Variants in MROH9 observed in about 807,000 individuals in gnomAD.
MROH9 encodes maestro heat like repeat family member 9, also known as maestro heat-like repeat-containing protein family member 9.
A neutral mutation model predicts 98.2 loss-of-function variants in MROH9; 92 were observed. The ratio of observed to expected loss-of-function variants is 0.94; its 90% CI spans 0.79 to 1.11. The LOEUF is 1.11. MROH9 is among the 50% of genes most tolerant of loss of function. MROH9 has a pLI of 0.00. For missense variants in MROH9, 1,057 were observed against 1,014.8 expected, an observed-to-expected ratio of 1.04 and a Z score of -0.57; for synonymous variants, 397 against 368.9, an observed-to-expected ratio of 1.08 and a Z score of -0.87.
intron 3 of MROH9, among the ~76,000 whole-genome samples, chr1:170,952,277 G>A (rs1007636349): frequency 3.9e-5 from 6 of 152,056 alleles, no homozygotes; most frequent in African/African-American, 1.4e-4. Context: ...TATAAGTCAT[G>A]CTGCTATAAA....
In MROH9 at chr1:170,989,466, CAA is replaced by C. The variant is rs542060751; in HGVS notation, c.880-386_880-385del. Among the ~76,000 whole-genome samples the C allele has an allele frequency of 8.3e-3, 1,257 of 152,262 alleles. 17 individuals carry two copies. Among genetic ancestry groups the C allele is most frequent in the African/African-American group, 0.028 (1,172 of 41,548 alleles). ...GTGGATTCAAATCGTCTTTAACTTG[CAA>C]AAGTTTTCTTTGAAGTATACACTGT... On this transcript the variant is annotated intron_variant, in intron 10 of 21. Transcript: ENST00000367759.
At chr1:171,056,425 G>C (rs990129081) in intron 20 of MROH9, among the ~76,000 whole-genome samples, 3 of 152,152 alleles carry the variant, frequency 2.0e-5, no homozygotes, top group African/African-American at 7.2e-5. Context: ...TTCCTCACTG[G>C]GTGGGGCTTC....
chr1:171,019,067 G>A (rs1407719921), intron 17 of MROH9, among the ~76,000 whole-genome samples: 1 of 152,128 alleles, frequency 6.6e-6, no homozygotes, highest in Non-Finnish European at 1.5e-5. Flanking sequence ...ATAATTGGAG[G>A]TAAAACACTC....
chr1:170,983,962 T>C (rs1191995882), intron 9 of MROH9, among the ~76,000 whole-genome samples: 1 of 152,222 alleles, frequency 6.6e-6, no homozygotes, highest in African/African-American at 2.4e-5. Flanking sequence ...AAAAGCGCTA[T>C]TAAATGAAAA....
chr1:171,022,452 C>T (rs943999093), intron 17 of MROH9, among the ~76,000 whole-genome samples: 3 of 152,092 alleles, frequency 2.0e-5, no homozygotes, highest in African/African-American at 7.2e-5. Flanking sequence ...TTTGCAGGGA[C>T]ATGGATGAAG....
At chr1:171,056,351 C>G (rs897580762) in intron 20 of MROH9, among the ~76,000 whole-genome samples, 6 of 152,254 alleles carry the variant, frequency 3.9e-5, no homozygotes, top group African/African-American at 1.4e-4. Flanking sequence ...CCCCAACAGC[C>G]CAACATACCA....
intron 20 of MROH9, among the ~76,000 whole-genome samples, chr1:171,034,592 A>T (rs899110782): frequency 1.3e-5 from 2 of 152,212 alleles, no homozygotes; most frequent in Admixed American, 6.5e-5. Context: ...AGTGCTATTC[A>T]CAAATGCTTG....
Position 170,958,586 on chromosome 1 carries a change from T to TAG in MROH9, c.152+46_152+47insAG, listed in dbSNP as rs146088011. ...CTTTTATTTCACTAATTGGATGCATTTAAAATGTTATATCTTTAAAAACAT... is the reference window on the plus strand; with the variant it reads ...CTTTTATTTCACTAATTGGATGCATTAGTAAAATGTTATATCTTTAAAAACAT... On this transcript the variant is annotated intron_variant, in intron 4 of 21. Transcript: ENST00000367759. The TAG allele has an allele frequency of 8.1e-6, 10 of 1,231,950 alleles. No individual in the cohort carries two copies. The African/African-American group carries it at 1.6e-4, about 20-fold the overall frequency. The allele number at this position is 1,231,950 out of a possible 1,614,324, so 76.3% of individuals were successfully genotyped here. A position where few individuals can be genotyped will look rare whatever the true frequency, so the allele number is the denominator to read the frequency against.
chr1:170,955,476 C>G (rs568191571), intron 3 of MROH9, among the ~76,000 whole-genome samples: 281 of 152,214 alleles, frequency 1.8e-3, no homozygotes, highest in African/African-American at 6.4e-3. Context: ...TCCATGCCAA[C>G]ATCTAATGTT....
intron 4 of MROH9, 62 bp from the exon 5 acceptor site, chr1:170,959,400 C>G (rs866954106): frequency 7.8e-7 from 1 of 1,285,318 alleles, no homozygotes; most frequent in South Asian, 1.5e-5. Context: ...ATAAATAAAG[C>G]CCACTAAATT....
At chr1:171,056,807 G>A (rs1025029345) in intron 20 of MROH9, among the ~76,000 whole-genome samples, 7 of 152,150 alleles carry the variant, frequency 4.6e-5, no homozygotes, top group Non-Finnish European at 7.4e-5. Context: ...ATCTCCAGAC[G>A]CAGGAGTAAA....
chr1:170,992,185 G>C lies in MROH9; in HGVS notation c.1050G>C (p.Lys350Asn). The change falls in exon 12 of 22, where the codon AAG (lysine) becomes AAC (asparagine). Residue 350 changes from lysine (K) to asparagine (N), a missense_variant. Lys to Asn is a moderately conservative substitution (Grantham distance 94, BLOSUM62 0). Transcript: ENST00000367759. ...PADDTLIQMWKAACSQASVAP... is the reference protein window; with the variant it reads ...PADDTLIQMWNAACSQASVAP... The stretch of plus-strand genomic sequence containing the variant: ...GCAGCACTCTGATACAGATGTGGAA[G>C]GCGGCATGTTCTCAGGCGAGCGTGG... 1 of 1,611,798 alleles carries C rather than the reference G, an allele frequency of 6.2e-7. No homozygotes were observed. The highest frequency in any genetic ancestry group is 1.7e-4 in the Middle Eastern group (1 of 5,924).
At chr1:171,061,183 C>A (rs1653999166) in intron 20 of MROH9, among the ~76,000 whole-genome samples, 2 of 152,086 alleles carry the variant, frequency 1.3e-5, no homozygotes, top group Admixed American at 6.6e-5. Flanking sequence ...TATCACCAAA[C>A]CCATGAGGAT....
intron 17 of MROH9, among the ~76,000 whole-genome samples, chr1:171,020,274 A>G (rs1652474493): frequency 6.6e-6 from 1 of 152,226 alleles, no homozygotes; most frequent in African/African-American, 2.4e-5. Flanking sequence ...TGAGTCCAGC[A>G]TCATTCTGAT....
At chr1:170,949,111 G>A (rs1649450199) in intron 3 of MROH9, among the ~76,000 whole-genome samples, 1 of 152,054 alleles carries the variant, frequency 6.6e-6, no homozygotes, top group Admixed American at 6.6e-5. Context: ...CCCTCTTTGA[G>A]GCAAGGAGGT....
intron 1 of MROH9, among the ~76,000 whole-genome samples, chr1:170,940,538 C>T (rs528134328): frequency 1.4e-4 from 22 of 152,008 alleles, no homozygotes; most frequent in African/African-American, 2.4e-4. Flanking sequence ...GTACACCTTA[C>T]GGAAAGGGAT....
chr1:170,946,662 A>C (rs1571437269), intron 2 of MROH9, among the ~76,000 whole-genome samples: 1 of 152,154 alleles, frequency 6.6e-6, no homozygotes, highest in South Asian at 2.1e-4. Flanking sequence ...TGAAATAAAA[A>C]GTTATTTTTT....
chr1:170,946,638 C>G (rs1422058925), intron 2 of MROH9, among the ~76,000 whole-genome samples: 1 of 151,868 alleles, frequency 6.6e-6, no homozygotes, highest in Non-Finnish European at 1.5e-5. Flanking sequence ...GTCTTTGCAA[C>G]TTTCCTATAG....
chr1:171,046,416 C>A (rs796911245), intron 20 of MROH9, among the ~76,000 whole-genome samples: 4 of 152,160 alleles, frequency 2.6e-5, no homozygotes, highest in African/African-American at 9.6e-5. Flanking sequence ...TTTTCTCTGG[C>A]AGTATAATTT....
Sources: gnomAD v4.1 joint callset for allele counts (sites outside exome capture counted in the v4.1 genomes callset) on GRCh38, gnomAD v4.1.1 for gene constraint, MANE v1.5 for transcripts, NCBI Gene and HGNC (gene_info 2026-07-23, HGNC 2026-07-21) for gene names.